The following MAPKBP1 variants were observed in gnomAD, a reference collection of about 807,000 sequenced individuals.
The protein encoded by MAPKBP1 is mitogen-activated protein kinase binding protein 1, also known as mitogen-activated protein kinase-binding protein 1.
In MAPKBP1, 71 loss-of-function variants were observed where a neutral mutation model predicts 170.5. The observed-to-expected ratio is 0.42, with a 90% CI of 0.34 to 0.51. The LOEUF (loss-of-function observed/expected upper bound fraction) is 0.51. Ranked by LOEUF, MAPKBP1 falls within the 20% of genes least tolerant of loss-of-function variation. The pLI, the probability that MAPKBP1 is intolerant of heterozygous loss-of-function variation, is 0.06. For synonymous variants in MAPKBP1, 719 were observed against 757.9 expected, an observed-to-expected ratio of 0.95 and a Z score of 0.84; for missense variants, 1,598 against 1,933.0, an observed-to-expected ratio of 0.83 and a Z score of 3.25.
At chr15:41,808,834 A>G (rs1382375568) in intron 3 of MAPKBP1, among the ~76,000 whole-genome samples, 3 of 152,098 alleles carry the variant, frequency 2.0e-5, no homozygotes. Flanking sequence ...GCAGGAGACT[A>G]GAAAGTGGTA....
chr15:41,819,467 G>T, intron 21 of MAPKBP1, 88 bp downstream of exon 21: 2 of 1,594,804 alleles, frequency 1.3e-6, no homozygotes, highest in Non-Finnish European at 1.7e-6. Context: ...GGTGAGAGCA[G>T]TGTGAGCTGA....
chr15:41,807,634 G>T (rs897078061), intron 3 of MAPKBP1, among the ~76,000 whole-genome samples: 10 of 152,180 alleles, frequency 6.6e-5, no homozygotes, highest in African/African-American at 1.9e-4. Context: ...TTGCAGGAAG[G>T]TTCAGAAAAC....
intron 23 of MAPKBP1, 97 bp downstream of exon 23, chr15:41,821,165 G>A: frequency 8.6e-7 from 1 of 1,166,978 alleles, no homozygotes. Context: ...AGCTATGCTT[G>A]CTCTGCCCCT....
Position 41,815,819 on chromosome 15 carries a change from G to A in MAPKBP1, c.1493+20G>A, listed in dbSNP as rs1341456112. On this transcript the variant is annotated intron_variant, in intron 12 of 30. Transcript: ENST00000457542. Reference sequence around the variant, plus strand: ...ACTTAGGTAATGCCAGGCCCTGGGTGGGTACTGACTGCCTCTCATGGTGCA... The same window carrying A: ...ACTTAGGTAATGCCAGGCCCTGGGTAGGTACTGACTGCCTCTCATGGTGCA... 3 of 1,604,786 alleles carry A rather than the reference G, an allele frequency of 1.9e-6. No individual in the cohort carries two copies. The highest frequency in any genetic ancestry group is 1.7e-5 in the Admixed American group (1 of 59,814).
rs747655933 is a variant in MAPKBP1 at position 41,822,970 on chromosome 15, C to T, written c.3346C>T (p.Leu1116=). ...EPSPSSSSLA[L]MSRPAQVPQA... ...ATCCCCATCCTCCTCAAGCCTGGCA[C>T]TGATGTCGAGACCAGCCCAGGTGCC... The change falls in exon 28 of 31, where the codon CTG becomes TTG. Residue 1116 remains leucine (L), a synonymous_variant. Coordinates refer to ENST00000457542, the MANE Select transcript of MAPKBP1 (RefSeq NM_014994.3). 7 of 1,613,470 alleles carry T rather than the reference C, an allele frequency of 4.3e-6. No individual in the cohort carries two copies. In the South Asian group the frequency reaches 7.7e-5, roughly 18 times the overall value.
intron 7 of MAPKBP1, 52 bp downstream of exon 7, chr15:41,812,705 C>T (rs2064825062): frequency 1.9e-6 from 3 of 1,540,026 alleles, no homozygotes; most frequent in African/African-American, 1.4e-5. Flanking sequence ...AGGGCCTGCC[C>T]AGCCCAACCC....
chr15:41,789,740 C>T (rs193111712), intron 2 of MAPKBP1, among the ~76,000 whole-genome samples: 5 of 152,266 alleles, frequency 3.3e-5, no homozygotes, highest in African/African-American at 1.2e-4. Context: ...ATTTTTTAGA[C>T]CCACTTTAGC....
At chr15:41,785,170 A>T (rs2064262520) in intron 2 of MAPKBP1, among the ~76,000 whole-genome samples, 1 of 152,178 alleles carries the variant, frequency 6.6e-6, no homozygotes, top group South Asian at 2.1e-4. Flanking sequence ...TGTTAGCAAG[A>T]TTTTATTCCT....
intron 3 of MAPKBP1, among the ~76,000 whole-genome samples, chr15:41,802,161 A>T (rs746664341): frequency 6.6e-6 from 1 of 152,180 alleles, no homozygotes; most frequent in African/African-American, 2.4e-5. Context: ...AATATCATAT[A>T]AAATATATTT....
chr15:41,819,043 G>GC, intron 20 of MAPKBP1, 86 bp downstream of exon 20: 1 of 1,572,022 alleles, frequency 6.4e-7, no homozygotes, highest in South Asian at 1.1e-5. Context: ...CTTTGGGCCT[G>GC]CCATTCAGCA....
intron 20 of MAPKBP1, 107 bp downstream of exon 20, chr15:41,819,064 C>T (rs988168173): frequency 6.5e-7 from 1 of 1,530,948 alleles, no homozygotes; most frequent in African/African-American, 1.4e-5. Flanking sequence ...ACTCTGTCTC[C>T]CAAGACCTTA....
At position 41,813,691 on chromosome 15, in the gene MAPKBP1, G is replaced by A. The variant is rs765090984; in HGVS notation, c.890G>A (p.Arg297His). 59 of 1,613,916 alleles carry A rather than the reference G, an allele frequency of 3.7e-5. No homozygotes were observed. Among genetic ancestry groups the A allele is most frequent in the Non-Finnish European group, 4.2e-5 (50 of 1,179,988 alleles). Residue 297 changes from arginine (R) to histidine (H), a missense_variant, in exon 9 of 31, where the codon CGC becomes CAC. Physicochemically the swap from Arg to His is conservative, Grantham distance 29. Around this residue, in one of 6 missense-constraint regions of MAPKBP1, gnomAD observed 430 missense variants for 617.2 expected, o/e 0.70. Transcript: ENST00000457542. ...IFCGCADGTV[R>H]LFNPSNLHFL... is the part of the protein sequence containing the mutation. The stretch of plus-strand genomic sequence containing the variant: ...TGTGGCTGTGCTGATGGCACCGTGC[G>A]CCTTTTCAACCCCTCTAACCTGCAC...
At position 41,813,113 on chromosome 15, in the gene MAPKBP1, C is replaced by A. The variant is rs201869170; in HGVS notation, c.819+12C>A. On this transcript the variant is annotated intron_variant, in intron 8 of 30. Coordinates refer to ENST00000457542, the MANE Select transcript of MAPKBP1 (RefSeq NM_014994.3). Reference sequence around the variant, plus strand: ...GGGTGGAGCTGAGGGTAAGTACCTCCGTCCCCAGGGGTAGGGTCTGCTCAT... The same window carrying A: ...GGGTGGAGCTGAGGGTAAGTACCTCAGTCCCCAGGGGTAGGGTCTGCTCAT... The A allele has an allele frequency of 4.4e-6, 7 of 1,590,598 alleles. No homozygotes were observed. Among genetic ancestry groups the A allele is most frequent in the Non-Finnish European group, 6.0e-6 (7 of 1,168,598 alleles).
Position 41,810,941 on chromosome 15 carries a change from T to C in MAPKBP1, c.265T>C (p.Ser89Pro). The stretch of plus-strand genomic sequence containing the variant: ...CAAACAGCACCACATCCTCAACAGT[T>C]CCAGGTAAATGGGCTGGGGTCCTCA... ...KHKQHHILNSSRKTITALAFS... is the reference protein window; with the variant it reads ...KHKQHHILNSPRKTITALAFS... Residue 89 changes from serine (S) to proline (P), a missense_variant, in exon 4 of 31, where the codon TCC (serine) becomes CCC (proline). Transcript: ENST00000457542. 1 of 1,614,216 alleles carries C rather than the reference T, an allele frequency of 6.2e-7. No individual in the cohort carries two copies. The highest frequency in any genetic ancestry group is 8.5e-7 in the Non-Finnish European group (1 of 1,180,036).
intron 3 of MAPKBP1, chr15:41,810,579 C>T: frequency 2.9e-6 from 1 of 342,112 alleles, no homozygotes. Flanking sequence ...GATTAGCTTG[C>T]ATGGTGGCAC....
At chr15:41,813,366 T>G in intron 8 of MAPKBP1, 3 of 1,523,922 alleles carry the variant, frequency 2.0e-6, no homozygotes, top group Non-Finnish European at 2.7e-6. Context: ...TGCCTGCACC[T>G]TCCTCTCTTT....
chr15:41,798,976 C>T (rs1015142305), intron 2 of MAPKBP1, among the ~76,000 whole-genome samples: 1 of 152,178 alleles, frequency 6.6e-6, no homozygotes, highest in Non-Finnish European at 1.5e-5. Flanking sequence ...GGAGTGACAG[C>T]AAGAGGTTAG....
rs76601191 is a variant in MAPKBP1, at chr15:41,775,406, T to C, written c.114+17T>C. On this transcript the variant is annotated intron_variant, in intron 2 of 30. Transcript: ENST00000457542. ...AGCTCCAAGGTGAGTCCTGTTGGGATCCACCTCTTTCCAAACCCACCCTCT... is the reference window on the plus strand; with the variant it reads ...AGCTCCAAGGTGAGTCCTGTTGGGACCCACCTCTTTCCAAACCCACCCTCT... The C allele has an allele frequency of 1.3e-3, 2,043 of 1,574,380 alleles. 37 individuals are homozygous for C. In the East Asian group the frequency reaches 0.04, roughly 31 times the overall value.
At chr15:41,813,197 G>A (rs1019478845) in intron 8 of MAPKBP1, 96 bp downstream of exon 8, 1 of 1,530,676 alleles carries the variant, frequency 6.5e-7, no homozygotes, top group Non-Finnish European at 8.9e-7. Flanking sequence ...GGTCCCTTGT[G>A]CATACGGGAG....
Sources: gnomAD v4.1 joint callset for allele counts (sites outside exome capture counted in the v4.1 genomes callset) on GRCh38, gnomAD v4.1.1 for gene constraint, gnomAD v4.1.1 regional missense constraint, MANE v1.5 for transcripts, NCBI Gene and HGNC (gene_info 2026-07-23, HGNC 2026-07-21) for gene names.